Variants in GRIK2 observed in about 807,000 individuals in gnomAD.
The protein encoded by GRIK2 is glutamate receptor ionotropic, kainate 2.
GRIK2 carries 32 observed loss-of-function variants against 100.3 expected under a neutral mutation model. That is an observed-to-expected ratio of 0.32 (90% CI 0.24 to 0.43). GRIK2 has a LOEUF of 0.43. Among genes scored for constraint, GRIK2 ranks in the 20% least tolerant of loss-of-function variants. GRIK2 has a pLI of 1.00. For missense variants in GRIK2, 843 were observed against 1,114.9 expected (o/e 0.76, Z 3.47); for synonymous variants, 417 against 389.4 (o/e 1.07, Z -0.83).
chr6:101,602,309 A>T (rs977272508), intron 2 of GRIK2, among the ~76,000 whole-genome samples: 7 of 150,904 alleles, frequency 4.6e-5, no homozygotes, highest in Admixed American at 1.3e-4. Context: ...CATAATTCCA[A>T]TTTTTTTCGA....
intron 7 of GRIK2, among the ~76,000 whole-genome samples, chr6:101,794,197 C>T (rs6903391): frequency 0.026 from 3,918 of 152,222 alleles, 182 homozygotes; most frequent in African/African-American, 0.089. Flanking sequence ...CTTCGGCTCG[C>T]GCACAGTGCA....
At chr6:101,736,630 C>T (rs1775651879) in intron 7 of GRIK2, among the ~76,000 whole-genome samples, 2 of 152,168 alleles carry the variant, frequency 1.3e-5, no homozygotes, top group Admixed American at 6.5e-5. Flanking sequence ...AGACTACACA[C>T]AGCATGGGGA....
chr6:102,035,739 T>C (rs1770235879), intron 15 of GRIK2, among the ~76,000 whole-genome samples, 173 bp downstream of exon 15: 1 of 151,368 alleles, frequency 6.6e-6, no homozygotes, highest in Non-Finnish European at 1.5e-5. Context: ...TTCTTCTGAA[T>C]AGATAAGTCA....
rs182112200 is a variant in GRIK2, at chr6:101,699,044, T to C, written c.951+12691T>C. 1.8e-3 allele frequency among the ~76,000 whole-genome samples: 268 copies of C among 152,236 alleles called. 2 individuals are homozygous for C. In the East Asian group the frequency reaches 0.018, roughly 10 times the overall value. ...TGATCAGGTTGAGCAGACTGGTTGA[T>C]GGAACCACAGGTTTCATTGTAAGAT... On this transcript the variant is annotated intron_variant, in intron 7 of 16. Coordinates refer to ENST00000369134, the MANE Select transcript of GRIK2 (RefSeq NM_021956.5).
At chr6:102,006,390 A>ATATATATATATT (rs1315524835) in intron 14 of GRIK2, among the ~76,000 whole-genome samples, 1 of 114,102 alleles carries the variant, frequency 8.8e-6, no homozygotes, top group African/African-American at 4.6e-5. Context: ...ATATATATAT[A>ATATATATATATT]TTTTTTTTTT....
At chr6:102,040,201 T>C (rs929215712) in intron 15 of GRIK2, among the ~76,000 whole-genome samples, 3 of 151,558 alleles carry the variant, frequency 2.0e-5, no homozygotes, top group Non-Finnish European at 4.4e-5. Flanking sequence ...CAATGCCCTT[T>C]AATATGAAGA....
At chr6:101,399,511 T>C in intron 2 of GRIK2, 119 bp downstream of exon 2, 1 of 680,030 alleles carries the variant, frequency 1.5e-6, no homozygotes, top group Non-Finnish European at 2.7e-6. Context: ...CACTGCTCTG[T>C]CGTCTCCTGG....
intron 7 of GRIK2, among the ~76,000 whole-genome samples, chr6:101,705,596 T>C (rs1018352806): frequency 4.0e-5 from 6 of 151,814 alleles, no homozygotes; most frequent in African/African-American, 1.4e-4. Flanking sequence ...CATGTACATG[T>C]GGTGGAATTT....
chr6:101,880,902 G>A (rs1786197425), intron 11 of GRIK2, among the ~76,000 whole-genome samples: 1 of 151,864 alleles, frequency 6.6e-6, no homozygotes, highest in African/African-American at 2.4e-5. Flanking sequence ...AGAGAGCTTA[G>A]TTTTCCTTGT....
intron 15 of GRIK2, among the ~76,000 whole-genome samples, chr6:102,038,554 C>T (rs953226156): frequency 1.3e-5 from 2 of 151,272 alleles, no homozygotes; most frequent in African/African-American, 2.4e-5. Flanking sequence ...TTAGCATTTG[C>T]CTTTTATGTT....
chr6:102,045,514 T>C (rs1279622965), intron 15 of GRIK2, among the ~76,000 whole-genome samples: 2 of 152,040 alleles, frequency 1.3e-5, no homozygotes, highest in Non-Finnish European at 2.9e-5. Context: ...ATCAGGACCA[T>C]GGAAGAATTT....
At chr6:102,026,576 C>T (rs1562121157) in intron 14 of GRIK2, among the ~76,000 whole-genome samples, 3 of 151,236 alleles carry the variant, frequency 2.0e-5, no homozygotes, top group South Asian at 4.1e-4. Context: ...TGGAATGGTA[C>T]ACAATGAACT....
At chr6:101,534,389 T>TTCTA (rs1182306579) in intron 2 of GRIK2, among the ~76,000 whole-genome samples, 1 of 151,914 alleles carries the variant, frequency 6.6e-6, no homozygotes, top group African/African-American at 2.4e-5. Context: ...GTTATGCTGT[T>TTCTA]TCTAAATACA....
chr6:101,713,331 T>C, intron 7 of GRIK2, among the ~76,000 whole-genome samples: 1 of 151,740 alleles, frequency 6.6e-6, no homozygotes, highest in Middle Eastern at 3.2e-3. Flanking sequence ...TAAGGACTTG[T>C]TAAACAGTAC....
intron 7 of GRIK2, among the ~76,000 whole-genome samples, chr6:101,689,389 C>G (rs1771935123): frequency 6.6e-6 from 1 of 152,068 alleles, no homozygotes; most frequent in Non-Finnish European, 1.5e-5. Flanking sequence ...AGTGCTCAGA[C>G]TTTGACATCC....
chr6:101,805,116 A>T (rs1266204975), intron 9 of GRIK2, among the ~76,000 whole-genome samples: 2 of 151,832 alleles, frequency 1.3e-5, no homozygotes, highest in African/African-American at 4.8e-5. Flanking sequence ...TATTGACTTG[A>T]CTTTTTTTCT....
intron 1 of GRIK2, chr6:101,398,739 T>G: frequency 3.0e-6 from 1 of 336,538 alleles, no homozygotes; most frequent in Non-Finnish European, 5.3e-6. Context: ...GGCTGTCAGA[T>G]CGGTTGCATA....
At position 101,896,682 on chromosome 6, in the gene GRIK2, G is replaced by A. The variant is rs115417858; in HGVS notation, c.1748+6819G>A. ...TCTTTGCCTCCATCACCAGAATTGA[G>A]TGGAAAGACTCCTGGAAGCAAAAAG... On this transcript the variant is annotated intron_variant, in intron 12 of 16. Transcript: ENST00000369134. Among the ~76,000 whole-genome samples, 1,203 of 151,668 alleles carry A rather than the reference G, an allele frequency of 7.9e-3. 22 individuals carry two copies. The highest frequency in any genetic ancestry group is 0.027 in the African/African-American group (1,139 of 41,466).
chr6:101,624,998 C>T (rs1330119613), intron 3 of GRIK2, among the ~76,000 whole-genome samples: 4 of 152,190 alleles, frequency 2.6e-5, no homozygotes, highest in South Asian at 2.1e-4. Flanking sequence ...TCGAATTCCT[C>T]GTCTCAAGCG....
Sources: allele counts gnomAD v4.1 joint callset (sites outside exome capture counted in the v4.1 genomes callset), GRCh38; gene constraint gnomAD v4.1.1; transcripts MANE v1.5; gene names NCBI Gene and HGNC (gene_info 2026-07-23, HGNC 2026-07-21).